The following SH3PXD2A variants were observed in gnomAD, a reference collection of about 807,000 sequenced individuals.
SH3PXD2A encodes SH3 and PX domain-containing protein 2A.
SH3PXD2A carries 32 observed loss-of-function variants against 115.2 expected under a neutral mutation model. That is an observed-to-expected ratio of 0.28 (90% CI 0.21 to 0.37). SH3PXD2A has a LOEUF of 0.37. Among genes scored for constraint, SH3PXD2A ranks in the 10% least tolerant of loss-of-function variants. The pLI, the probability that SH3PXD2A is intolerant of heterozygous loss-of-function variation, is 1.00. For missense variants in SH3PXD2A, 1,328 were observed against 1,498.7 expected (o/e 0.89, Z 1.88); for synonymous variants, 610 against 629.1 (o/e 0.97, Z 0.45).
intron 3 of SH3PXD2A, among the ~76,000 whole-genome samples, chr10:103,750,830 T>A (rs911886559): frequency 5.3e-5 from 8 of 152,326 alleles, no homozygotes; most frequent in African/African-American, 1.9e-4. Context: ...TATAGCAAAA[T>A]GCGACACAGC....
rs1013604647 is a variant in SH3PXD2A, at chr10:103,666,126, G to A, written c.472+2482C>T. Among the ~76,000 whole-genome samples, 2 of 152,108 alleles carry A rather than the reference G, an allele frequency of 1.3e-5. No individual in the cohort carries two copies. Among genetic ancestry groups the A allele is most frequent in the Admixed American group, 6.5e-5 (1 of 15,272 alleles). On this transcript the variant is annotated intron_variant, in intron 7 of 14. Transcript: ENST00000369774. This position sits in a 1 kb window ranked among gnomAD's most constrained non-coding sequence, Gnocchi z 4.5. ...CCAACGCCTTCCACGGCTCCCTCTT[G>A]CCTATAAAGGACAAATTCAAGCCCA...
chr10:103,745,504 G>A (rs546006516), intron 3 of SH3PXD2A, among the ~76,000 whole-genome samples: 4 of 152,304 alleles, frequency 2.6e-5, no homozygotes, highest in East Asian at 3.9e-4. Flanking sequence ...GGACTATTAC[G>A]AGGAGCCAGT....
At chr10:103,681,040 G>A (rs1250599054) in intron 6 of SH3PXD2A, among the ~76,000 whole-genome samples, 1 of 152,204 alleles carries the variant, frequency 6.6e-6, no homozygotes, top group Non-Finnish European at 1.5e-5. Context: ...AGGAACCAGT[G>A]ACTTTCTGGC....
intron 3 of SH3PXD2A, among the ~76,000 whole-genome samples, chr10:103,761,750 C>T (rs2038701778): frequency 6.6e-6 from 1 of 152,154 alleles, no homozygotes; most frequent in Non-Finnish European, 1.5e-5. Context: ...TCTCAGATCC[C>T]TAACCTGGGA....
intron 1 of SH3PXD2A, among the ~76,000 whole-genome samples, chr10:103,845,819 A>C (rs1842842283): frequency 6.6e-6 from 1 of 152,188 alleles, no homozygotes; most frequent in African/African-American, 2.4e-5. Flanking sequence ...TCCTTTAGTG[A>C]GAGTACGCCT....
intron 1 of SH3PXD2A, among the ~76,000 whole-genome samples, chr10:103,808,771 G>A (rs2039234058): frequency 1.3e-5 from 2 of 152,160 alleles, no homozygotes; most frequent in African/African-American, 2.4e-5. Flanking sequence ...ATTCAACACA[G>A]GTGAGTCTGT....
At chr10:103,640,588 A>G (rs2036940124) in intron 8 of SH3PXD2A, among the ~76,000 whole-genome samples, 13 of 152,180 alleles carry the variant, frequency 8.5e-5, no homozygotes, top group Admixed American at 8.5e-4. Context: ...ATCATCAGCA[A>G]TCGTGGGAGA....
intron 9 of SH3PXD2A, among the ~76,000 whole-genome samples, chr10:103,625,698 C>T (rs144994483): frequency 1.7e-3 from 255 of 152,304 alleles, no homozygotes; most frequent in African/African-American, 6.0e-3. Flanking sequence ...TCAAGACCAG[C>T]CTGACCAACA....
chr10:103,727,687 G>A (rs2038257850), intron 4 of SH3PXD2A, among the ~76,000 whole-genome samples: 1 of 152,236 alleles, frequency 6.6e-6, no homozygotes, highest in Non-Finnish European at 1.5e-5. Flanking sequence ...CATGCCGACA[G>A]AGACCCACAT....
intron 7 of SH3PXD2A, chr10:103,661,873 AGTCCCCGCGCCAGCGGCTGGC>A (rs2037310429): frequency 1.0e-6 from 1 of 984,708 alleles, no homozygotes; most frequent in Non-Finnish European, 1.2e-6. Flanking sequence ...CCAAGAAGAA[AGTCCCCGCGCCAGCGGCTGGC>A]GAGCCCAGCC....
At chr10:103,760,695 T>A (rs1436632170) in intron 3 of SH3PXD2A, among the ~76,000 whole-genome samples, 1 of 151,910 alleles carries the variant, frequency 6.6e-6, no homozygotes, top group African/African-American at 2.4e-5. Context: ...TTTTTTTTAA[T>A]CAAAAGAGAG....
chr10:103,782,933 T>G (rs4918050), intron 2 of SH3PXD2A, among the ~76,000 whole-genome samples: 148,656 of 150,016 alleles, frequency 0.99, 73,651 homozygotes, highest in East Asian at 1. Context: ...ATGCATGCCT[T>G]GGGGGGGGGG....
Position 103,766,536 on chromosome 10 carries a change from G to T in SH3PXD2A, c.229+558C>A, listed in dbSNP as rs554858531. Among the ~76,000 whole-genome samples the T allele has an allele frequency of 2.0e-5, 3 of 152,224 alleles. No homozygotes were observed. The East Asian group carries it at 5.8e-4, about 29-fold the overall frequency. On this transcript the variant is annotated intron_variant, in intron 3 of 14. Transcript: ENST00000369774. ...GATAACAAATAAAAAAGCACTCCAT[G>T]GCTATAAATCTCTATACACACTTAA...
At chr10:103,846,910 T>A (rs1842853093) in intron 1 of SH3PXD2A, among the ~76,000 whole-genome samples, 1 of 152,210 alleles carries the variant, frequency 6.6e-6, no homozygotes, top group South Asian at 2.1e-4. Context: ...ATCTGGCAAT[T>A]CATTTGAGCT....
intron 7 of SH3PXD2A, among the ~76,000 whole-genome samples, chr10:103,662,834 G>A (rs1347978079): frequency 1.3e-5 from 2 of 152,018 alleles, no homozygotes; most frequent in Non-Finnish European, 2.9e-5. Context: ...TTTGAGACAG[G>A]GTCTTTGTTG....
At chr10:103,635,609 G>A (rs1408697393) in intron 8 of SH3PXD2A, among the ~76,000 whole-genome samples, 4 of 152,186 alleles carry the variant, frequency 2.6e-5, no homozygotes, top group Admixed American at 6.5e-5. Context: ...AGGTACACAC[G>A]GTGTGTGGCA....
chr10:103,654,345 C>T (rs1458046356), intron 8 of SH3PXD2A, among the ~76,000 whole-genome samples: 1 of 152,168 alleles, frequency 6.6e-6, no homozygotes, highest in East Asian at 1.9e-4. Flanking sequence ...CCCTCTGCTG[C>T]TATAGCCACC....
chr10:103,696,001 A>C (rs2134135635), intron 5 of SH3PXD2A, among the ~76,000 whole-genome samples: 1 of 152,334 alleles, frequency 6.6e-6, no homozygotes, highest in Middle Eastern at 3.4e-3. Context: ...GGGACCAGAA[A>C]ACCCAGGCCT....
At chr10:103,796,149 A>T (rs2039086238) in intron 2 of SH3PXD2A, among the ~76,000 whole-genome samples, 1 of 151,964 alleles carries the variant, frequency 6.6e-6, no homozygotes, top group Admixed American at 6.6e-5. Context: ...ACTTGAGCCC[A>T]GGAGTTTGAG....
Sources: allele counts gnomAD v4.1 joint callset (sites outside exome capture counted in the v4.1 genomes callset), GRCh38; gene constraint gnomAD v4.1.1; non-coding constraint Gnocchi (gnomAD v3.1); transcripts MANE v1.5; gene names NCBI Gene and HGNC (gene_info 2026-07-23, HGNC 2026-07-21).